MYO5B: variants seen among roughly 807,000 people sequenced by gnomAD.
MYO5B encodes unconventional myosin-Vb.
A neutral mutation model predicts 229.3 loss-of-function variants in MYO5B; 143 were observed. The observed-to-expected ratio is 0.62, with a 90% CI of 0.54 to 0.72. MYO5B has a LOEUF of 0.72. Among genes scored for constraint, MYO5B ranks in the 30% least tolerant of loss-of-function variants. MYO5B has a pLI of 0.00. For missense variants in MYO5B, 2,321 were observed against 2,331.0 expected, an observed-to-expected ratio of 1.00 and a Z score of 0.09; for synonymous variants, 918 against 885.2, an observed-to-expected ratio of 1.04 and a Z score of -0.66.
chr18:49,878,345 G>A (rs896529341), intron 24 of MYO5B, among the ~76,000 whole-genome samples: 1 of 150,618 alleles, frequency 6.6e-6, no homozygotes, highest in African/African-American at 2.4e-5. Flanking sequence ...TTTTTTTCCT[G>A]CATCTGATTT....
chr18:50,076,241 A>T (rs1334533677), intron 1 of MYO5B, among the ~76,000 whole-genome samples: 1 of 152,148 alleles, frequency 6.6e-6, no homozygotes, highest in Non-Finnish European at 1.5e-5. Context: ...GGCCGTCAAG[A>T]TCCTTCCCCT....
chr18:50,040,269 A>G lies in MYO5B; in HGVS notation c.184T>C (p.Leu62=). The part of the protein sequence containing the change: ...IDVQRNQLPF[L]RNPDILVGEN... ...CCCACCAAGATATCTGGATTCCGTA[A>G]GAAGGGCAGCTGGTTGCGTTGTACA... is the stretch of plus-strand genomic sequence containing the variant. Residue 62 remains leucine (L), a synonymous_variant, in exon 3 of 40, where the codon TTA becomes CTA. Coordinates refer to ENST00000285039, the MANE Select transcript of MYO5B (RefSeq NM_001080467.3). 2 of 1,614,150 alleles carry G rather than the reference A, an allele frequency of 1.2e-6. No individual in the cohort carries two copies. The highest frequency in any genetic ancestry group is 1.7e-6 in the Non-Finnish European group (2 of 1,180,018).
chr18:49,915,093 G>C (rs2024998090), intron 17 of MYO5B, among the ~76,000 whole-genome samples: 1 of 152,146 alleles, frequency 6.6e-6, no homozygotes, highest in Admixed American at 6.5e-5. Flanking sequence ...CTCAGAGAAG[G>C]GGTGAGTATA....
intron 14 of MYO5B, among the ~76,000 whole-genome samples, chr18:49,945,457 T>A (rs2025361391): frequency 1.3e-5 from 2 of 151,852 alleles, no homozygotes; most frequent in Non-Finnish European, 1.5e-5. Context: ...GCAGTCCTTT[T>A]TTTTTTCATT....
intron 1 of MYO5B, among the ~76,000 whole-genome samples, chr18:50,110,375 C>A (rs550735090): frequency 2.0e-5 from 3 of 152,210 alleles, no homozygotes; most frequent in Non-Finnish European, 2.9e-5. Flanking sequence ...CTTCCTCCCT[C>A]ATTTGCTCCA....
chr18:49,849,837 G>A, intron 31 of MYO5B, 177 bp from the exon 32 acceptor site: 1 of 666,496 alleles, frequency 1.5e-6, no homozygotes, highest in Admixed American at 2.2e-5. Context: ...ACCTGCTCTG[G>A]AACTCAGGAA....
At chr18:49,915,332 T>C (rs1442122057) in intron 17 of MYO5B, among the ~76,000 whole-genome samples, 1 of 152,240 alleles carries the variant, frequency 6.6e-6, no homozygotes, top group African/African-American at 2.4e-5. Context: ...TAACCTACTT[T>C]GTCTCTATGC....
intron 4 of MYO5B, among the ~76,000 whole-genome samples, chr18:50,032,712 A>G (rs1442565372): frequency 6.6e-6 from 1 of 152,214 alleles, no homozygotes; most frequent in Non-Finnish European, 1.5e-5. Context: ...CAGGCCGGGC[A>G]TGGAGGCTCA....
intron 7 of MYO5B, among the ~76,000 whole-genome samples, chr18:49,987,590 G>A (rs193217682): frequency 1.0e-3 from 154 of 152,226 alleles, no homozygotes; most frequent in Admixed American, 2.5e-3. Flanking sequence ...AGAACACAGA[G>A]GAGAACATGA....
intron 17 of MYO5B, among the ~76,000 whole-genome samples, chr18:49,913,571 T>G (rs944527463): frequency 3.3e-5 from 5 of 151,998 alleles, no homozygotes; most frequent in Non-Finnish European, 7.4e-5. Context: ...TCCATACCCC[T>G]CACGTGGAAG....
chr18:50,083,791 G>T (rs2031270974), intron 1 of MYO5B, among the ~76,000 whole-genome samples: 1 of 152,066 alleles, frequency 6.6e-6, no homozygotes, highest in South Asian at 2.1e-4. Flanking sequence ...ACCTCTAGTG[G>T]GTGTCACCAA....
chr18:49,824,508 A>G lies in MYO5B; in HGVS notation c.*1963T>C, dbSNP rs552014806. The G allele has an allele frequency of 2.0e-4, 31 of 152,588 alleles. No homozygotes were observed. The highest frequency in any genetic ancestry group is 7.5e-4 in the African/African-American group (31 of 41,604). 9.5% of individuals were successfully genotyped at this position (152,588 alleles called of 1,614,324 possible). A position where few individuals can be genotyped will look rare whatever the true frequency, so the allele number is the denominator to read the frequency against. The stretch of plus-strand genomic sequence containing the variant: ...AGAGAATGATGGTATAAGACAGTGT[A>G]TAAGGATAGTAAGCCACTGTGTTTG... On this transcript the variant is annotated 3_prime_UTR_variant, in exon 40 of 40. Transcript: ENST00000285039.
In MYO5B at chr18:50,047,632, C is replaced by T. The variant is rs2144404442; in HGVS notation, c.139-7318G>A. On this transcript the variant is annotated intron_variant, in intron 2 of 39. Coordinates refer to ENST00000285039, the MANE Select transcript of MYO5B (RefSeq NM_001080467.3). ...TATAAATCATGCTGCTATAAAGACA[C>T]ATGCACACGTATGTTTATTGCGGCA... Among the ~76,000 whole-genome samples, 5 of 152,226 alleles carry T rather than the reference C, an allele frequency of 3.3e-5. No individual in the cohort carries two copies. The East Asian group carries it at 9.7e-4, about 29-fold the overall frequency.
intron 1 of MYO5B, among the ~76,000 whole-genome samples, chr18:50,154,587 C>T (rs2032651582): frequency 6.6e-6 from 1 of 152,196 alleles, no homozygotes; most frequent in Admixed American, 6.5e-5. Context: ...TTCGAGTTCA[C>T]ATTTGTTACC....
chr18:49,897,206 T>C lies in MYO5B; in HGVS notation c.2812-2032A>G, dbSNP rs555779442. On this transcript the variant is annotated intron_variant, in intron 21 of 39. Coordinates refer to ENST00000285039, the MANE Select transcript of MYO5B (RefSeq NM_001080467.3). ...GGACAGGCCCCAGAAGGCTCGTCCT[T>C]GCACCTGCAGGTGTCACAGCCATGC... Among the ~76,000 whole-genome samples the C allele has an allele frequency of 5.3e-5, 8 of 152,284 alleles. No homozygotes were observed. The South Asian group carries it at 8.3e-4, about 16-fold the overall frequency.
At chr18:50,034,470 G>A (rs12965511) in intron 4 of MYO5B, among the ~76,000 whole-genome samples, 5,059 of 152,314 alleles carry the variant, frequency 0.033, 137 homozygotes, top group Middle Eastern at 0.075. Flanking sequence ...TCAGTCGTGC[G>A]TGGTGGCTCA....
At chr18:50,126,223 A>G (rs917588221) in intron 1 of MYO5B, among the ~76,000 whole-genome samples, 24 of 152,364 alleles carry the variant, frequency 1.6e-4, no homozygotes, top group African/African-American at 5.3e-4. Flanking sequence ...ATATTTTACC[A>G]TAATAAAAAC....
chr18:50,017,258 C>T (rs2026225765), intron 4 of MYO5B, among the ~76,000 whole-genome samples: 1 of 152,138 alleles, frequency 6.6e-6, no homozygotes, highest in African/African-American at 2.4e-5. Flanking sequence ...GCTGGGATTA[C>T]AGGCACGTGC....
chr18:50,047,977 A>C (rs2030283259), intron 2 of MYO5B, among the ~76,000 whole-genome samples: 1 of 151,508 alleles, frequency 6.6e-6, no homozygotes, highest in African/African-American at 2.4e-5. Flanking sequence ...ATTAGGAGAT[A>C]TACCTAATGT....
Sources: allele counts gnomAD v4.1 joint callset (sites outside exome capture counted in the v4.1 genomes callset), GRCh38; gene constraint gnomAD v4.1.1; transcripts MANE v1.5; gene names NCBI Gene and HGNC (gene_info 2026-07-23, HGNC 2026-07-21).